CHD9: variants seen among roughly 807,000 people sequenced by gnomAD.
The protein encoded by CHD9 is chromodomain helicase DNA binding protein 9, also known as ATP-dependent chromatin remodeler CHD9.
Under a neutral mutation model 316.1 loss-of-function variants are expected in CHD9, and 77 were observed. That is an observed-to-expected ratio of 0.24 (90% CI 0.20 to 0.29). CHD9 has a LOEUF of 0.29. Among genes scored for constraint, CHD9 ranks in the 10% least tolerant of loss-of-function variants. The pLI, the probability that CHD9 is intolerant of heterozygous loss-of-function variation, is 1.00. For synonymous variants in CHD9, 1,129 were observed against 1,158.3 expected, an observed-to-expected ratio of 0.97 and a Z score of 0.51; for missense variants, 2,763 against 3,438.1, an observed-to-expected ratio of 0.80 and a Z score of 4.91.
At chr16:53,244,522 CT>C (rs2049398243) in intron 13 of CHD9, among the ~76,000 whole-genome samples, 1 of 152,022 alleles carries the variant, frequency 6.6e-6, no homozygotes, top group Non-Finnish European at 1.5e-5. Context: ...CCTTTACGTT[CT>C]TGGATTGTAA....
chr16:53,260,564 A>C (rs977655461), intron 19 of CHD9, among the ~76,000 whole-genome samples: 4 of 152,186 alleles, frequency 2.6e-5, no homozygotes, highest in African/African-American at 9.7e-5. Flanking sequence ...TCATTGTAAC[A>C]AATTATTACA....
intron 12 of CHD9, among the ~76,000 whole-genome samples, chr16:53,239,535 C>T (rs2048911257): frequency 6.6e-6 from 1 of 151,986 alleles, no homozygotes; most frequent in South Asian, 2.1e-4. Flanking sequence ...CACAAAAAAA[C>T]TGTACTTTTT....
intron 11 of CHD9, 31 bp downstream of exon 11, chr16:53,235,337 A>T: frequency 6.9e-7 from 1 of 1,451,372 alleles, no homozygotes; most frequent in Non-Finnish European, 9.3e-7. Flanking sequence ...AAAAAAATTT[A>T]TTTTTTTAAT....
At chr16:53,080,463 A>G (rs1372338903) in intron 1 of CHD9, among the ~76,000 whole-genome samples, 8 of 152,160 alleles carry the variant, frequency 5.3e-5, no homozygotes, top group Admixed American at 5.2e-4. Flanking sequence ...GTTTGTCTAA[A>G]CACAGGTCTT....
rs542107196 is a variant in CHD9, at chr16:53,326,024, C to T, written c.*1129C>T. The stretch of plus-strand genomic sequence containing the variant: ...TTTATATTAAATATACTGAGTTGCC[C>T]GTTTTGAAAATGCACTTTGAATAAT... On this transcript the variant is annotated 3_prime_UTR_variant, in exon 39 of 39. Coordinates refer to ENST00000447540, the MANE Select transcript of CHD9 (RefSeq NM_001308319.2). 1 of 152,450 alleles carries T rather than the reference C, an allele frequency of 6.6e-6. No homozygotes were observed. The highest frequency in any genetic ancestry group is 2.1e-4 in the South Asian group (1 of 4,824). 9.4% of individuals were successfully genotyped at this position (152,450 alleles called of 1,614,324 possible).
chr16:53,239,158 G>A (rs182057569), intron 12 of CHD9, among the ~76,000 whole-genome samples: 4 of 152,210 alleles, frequency 2.6e-5, no homozygotes, highest in Non-Finnish European at 4.4e-5. Flanking sequence ...CTCTCTCCAT[G>A]TATTTTAGAG....
chr16:53,069,639 T>C (rs943987764), intron 1 of CHD9, among the ~76,000 whole-genome samples: 1 of 152,242 alleles, frequency 6.6e-6, no homozygotes, highest in Non-Finnish European at 1.5e-5. Context: ...ATTCATCTGT[T>C]GGTGGACACT....
At chr16:53,273,379 T>C (rs1055081979) in intron 22 of CHD9, among the ~76,000 whole-genome samples, 2 of 152,126 alleles carry the variant, frequency 1.3e-5, no homozygotes, top group Non-Finnish European at 2.9e-5. Context: ...TAATCTGTTT[T>C]GGAACAAAAA....
Position 53,306,157 on chromosome 16 carries a change from T to C in CHD9, c.6620-80T>C, listed in dbSNP as rs185688563. On this transcript the variant is annotated intron_variant, in intron 31 of 38. Transcript: ENST00000447540. ...TAACATTTTCATTTTCAGGTGTTTC[T>C]GAATAATTATGTAAAATCCTTATAT... The C allele has an allele frequency of 1.0e-4, 83 of 810,684 alleles. No individual in the cohort carries two copies. The African/African-American group carries it at 1.3e-3, about 13-fold the overall frequency. The allele number at this position is 810,684 out of a possible 1,614,324, so 50.2% of individuals were successfully genotyped here. A position where few individuals can be genotyped will look rare whatever the true frequency, so the allele number is the denominator to read the frequency against.
intron 27 of CHD9, among the ~76,000 whole-genome samples, chr16:53,288,840 T>G (rs1448359708): frequency 3.3e-5 from 5 of 151,992 alleles, no homozygotes; most frequent in Non-Finnish European, 5.9e-5. Flanking sequence ...AGTTCGTGAT[T>G]TGTCTTTTAC....
At chr16:53,061,007 C>T (rs2032828961) in intron 1 of CHD9, among the ~76,000 whole-genome samples, 1 of 147,262 alleles carries the variant, frequency 6.8e-6, no homozygotes, top group Admixed American at 7.0e-5. Flanking sequence ...CTCACTGCAA[C>T]CTCCGCCCCC....
intron 1 of CHD9, among the ~76,000 whole-genome samples, chr16:53,131,751 CAG>C (rs1404769966): frequency 6.6e-6 from 1 of 152,078 alleles, no homozygotes; most frequent in Non-Finnish European, 1.5e-5. Flanking sequence ...TGAGTCATGA[CAG>C]GGCGTCCCGC....
chr16:53,084,850 T>C (rs16951978), intron 1 of CHD9, among the ~76,000 whole-genome samples: 2,027 of 152,266 alleles, frequency 0.013, 51 homozygotes, highest in African/African-American at 0.047. Flanking sequence ...GTCAAGTCTT[T>C]CGTGGTATGC....
chr16:53,069,332 T>G (rs1287208702), intron 1 of CHD9, among the ~76,000 whole-genome samples: 1 of 152,186 alleles, frequency 6.6e-6, no homozygotes, highest in Non-Finnish European at 1.5e-5. Context: ...ATGCATTAAG[T>G]GCGTTCACAT....
intron 1 of CHD9, among the ~76,000 whole-genome samples, chr16:53,123,651 AC>A (rs370759579): frequency 6.4e-4 from 98 of 152,106 alleles, no homozygotes; most frequent in African/African-American, 2.3e-3. Flanking sequence ...ATAGATGCAC[AC>A]CACAACGCCT....
intron 2 of CHD9, among the ~76,000 whole-genome samples, chr16:53,184,289 A>G (rs1356631988): frequency 6.6e-6 from 1 of 152,208 alleles, no homozygotes; most frequent in Non-Finnish European, 1.5e-5. Context: ...ACTAAAAGAA[A>G]GGATACATAT....
chr16:53,276,140 TA>T (rs1478123018), intron 24 of CHD9, among the ~76,000 whole-genome samples: 4 of 152,198 alleles, frequency 2.6e-5, no homozygotes, highest in African/African-American at 7.2e-5. Flanking sequence ...ATAGATTCTA[TA>T]GTCTAGCACT....
intron 1 of CHD9, among the ~76,000 whole-genome samples, chr16:53,119,721 A>G (rs2038592673): frequency 6.6e-6 from 1 of 152,138 alleles, no homozygotes; most frequent in Non-Finnish European, 1.5e-5. Context: ...AATCCCAGCT[A>G]CTTGGGAGGC....
intron 10 of CHD9, among the ~76,000 whole-genome samples, chr16:53,233,020 C>T (rs2152928925): frequency 6.6e-6 from 1 of 152,308 alleles, no homozygotes; most frequent in South Asian, 2.1e-4. Flanking sequence ...TTCCGACCAG[C>T]AAGCAGTCAG....
Sources: gnomAD v4.1 joint callset for allele counts (sites outside exome capture counted in the v4.1 genomes callset) on GRCh38, gnomAD v4.1.1 for gene constraint, MANE v1.5 for transcripts, NCBI Gene and HGNC (gene_info 2026-07-23, HGNC 2026-07-21) for gene names.